Variants in PRKN observed in about 807,000 individuals in gnomAD.
PRKN encodes the protein parkin RBR E3 ubiquitin protein ligase.
PRKN carries 56 observed loss-of-function variants against 59.5 expected under a neutral mutation model. That is an observed-to-expected ratio of 0.94 (90% CI 0.76 to 1.18). The LOEUF (loss-of-function observed/expected upper bound fraction) is 1.18, where lower values mean the gene tolerates loss of function less well. Ranked by LOEUF, PRKN falls within the 50% of genes most tolerant of loss-of-function variation. The pLI, the probability that PRKN is intolerant of heterozygous loss-of-function variation, is 0.00. For missense variants in PRKN, 657 were observed against 596.4 expected (o/e 1.10, Z -1.06); for synonymous variants, 250 against 222.1 (o/e 1.13, Z -1.12).
chr6:162,288,298 G>A (rs751598595), intron 2 of PRKN, among the ~76,000 whole-genome samples: 3 of 152,114 alleles, frequency 2.0e-5, no homozygotes, highest in Non-Finnish European at 4.4e-5. Context: ...TAGCTCTTGA[G>A]TGTCTCACTC....
At chr6:161,556,719 T>C (rs1373330873) in intron 8 of PRKN, among the ~76,000 whole-genome samples, 1 of 152,208 alleles carries the variant, frequency 6.6e-6, no homozygotes, top group East Asian at 1.9e-4. Flanking sequence ...AAGGGCTTTT[T>C]TACTTATCAA....
At chr6:161,586,459 C>T (rs1290049425) in intron 7 of PRKN, among the ~76,000 whole-genome samples, 1 of 152,200 alleles carries the variant, frequency 6.6e-6, no homozygotes, top group African/African-American at 2.4e-5. Flanking sequence ...TACCCCAGTC[C>T]TCATGATGCA....
intron 2 of PRKN, among the ~76,000 whole-genome samples, chr6:162,273,472 C>G (rs1780481823): frequency 6.6e-6 from 1 of 152,062 alleles, no homozygotes; most frequent in South Asian, 2.1e-4. Context: ...CTCTGTATAT[C>G]CTTTAGTACA....
At chr6:162,434,911 G>A (rs1441780175) in intron 2 of PRKN, among the ~76,000 whole-genome samples, 1 of 151,938 alleles carries the variant, frequency 6.6e-6, no homozygotes. Flanking sequence ...AAAAAGTAAA[G>A]ATGGAATTTC....
chr6:162,016,648 T>C (rs1782945448), intron 5 of PRKN, among the ~76,000 whole-genome samples: 1 of 152,026 alleles, frequency 6.6e-6, no homozygotes, highest in Non-Finnish European at 1.5e-5. Flanking sequence ...GGCTGACCCA[T>C]CCCCACTGGT....
At chr6:162,222,889 T>C (rs189943904) in intron 3 of PRKN, among the ~76,000 whole-genome samples, 2 of 152,204 alleles carry the variant, frequency 1.3e-5, no homozygotes, top group Admixed American at 1.3e-4. Flanking sequence ...TTAGGGTACA[T>C]GTGCACAATG....
At chr6:162,513,438 C>T (rs1362030614) in intron 1 of PRKN, among the ~76,000 whole-genome samples, 2 of 150,074 alleles carry the variant, frequency 1.3e-5, no homozygotes, top group Non-Finnish European at 3.0e-5. Context: ...AACACCACTG[C>T]ACTCCAGCCT....
At chr6:161,977,737 C>G (rs982894179) in intron 5 of PRKN, among the ~76,000 whole-genome samples, 1 of 150,908 alleles carries the variant, frequency 6.6e-6, no homozygotes, top group Non-Finnish European at 1.5e-5. Flanking sequence ...TTAGTAGAGA[C>G]GGGGTTTCAC....
intron 6 of PRKN, among the ~76,000 whole-genome samples, chr6:161,967,359 CTCAA>C (rs1457838481): frequency 6.6e-6 from 1 of 152,080 alleles, no homozygotes; most frequent in Non-Finnish European, 1.5e-5. Flanking sequence ...TTGCAACTGT[CTCAA>C]TCAATTTATA....
At chr6:162,558,933 G>A (rs547251477) in intron 1 of PRKN, among the ~76,000 whole-genome samples, 400 of 152,096 alleles carry the variant, frequency 2.6e-3, no homozygotes, top group Non-Finnish European at 4.6e-3. Flanking sequence ...GAGCCACCGC[G>A]CCCAGCCAAC....
chr6:161,442,494 GA>G lies in PRKN; in HGVS notation c.1084-55618del, dbSNP rs1407880864. ...TTAAAATCTCGGGCTTCATCTTTTG[GA>G]TAATTCACATGACCTTCTCCTTAGT... On this transcript the variant is annotated intron_variant, in intron 9 of 11. Coordinates refer to ENST00000366898, the MANE Select transcript of PRKN (RefSeq NM_004562.3). The surrounding 1 kb of genome is among the most constrained non-coding windows in gnomAD (Gnocchi z 4.6). Among the ~76,000 whole-genome samples the G allele has an allele frequency of 6.6e-6, 1 of 152,160 alleles. No individual in the cohort carries two copies. Among genetic ancestry groups the G allele is most frequent in the Non-Finnish European group, 1.5e-5 (1 of 68,024 alleles).
At chr6:161,829,689 G>A (rs1792398405) in intron 6 of PRKN, among the ~76,000 whole-genome samples, 1 of 151,980 alleles carries the variant, frequency 6.6e-6, no homozygotes, top group South Asian at 2.1e-4. Flanking sequence ...AGACGCCCCT[G>A]CAGGATGCCC....
chr6:161,638,738 AT>A lies in PRKN; in HGVS notation c.872-69323del, dbSNP rs386409169. On this transcript the variant is annotated intron_variant, in intron 7 of 11. Transcript: ENST00000366898. ...AGTGAGTGAGTTCTCACGAGATCTG[AT>A]TTTTTTTTTTTTTTTTTTTTGAGAC... Among the ~76,000 whole-genome samples the A allele has an allele frequency of 1.8e-3, 182 of 100,168 alleles. 1 individual carries two copies. The highest frequency in any genetic ancestry group is 3.4e-3 in the Admixed American group (31 of 9,002). The allele number at this position is 100,168 out of a possible 152,430, so 65.7% of individuals were successfully genotyped here.
chr6:162,057,442 G>A (rs530194330), intron 4 of PRKN, among the ~76,000 whole-genome samples: 1 of 152,322 alleles, frequency 6.6e-6, no homozygotes, highest in South Asian at 2.1e-4. Flanking sequence ...GTTTTTATTA[G>A]AAGGTTGTCT....
intron 9 of PRKN, among the ~76,000 whole-genome samples, chr6:161,528,623 A>G (rs934825557): frequency 6.6e-6 from 1 of 152,216 alleles, no homozygotes; most frequent in Non-Finnish European, 1.5e-5. Flanking sequence ...GGGCACACCC[A>G]TACTTTTAAC....
intron 2 of PRKN, among the ~76,000 whole-genome samples, chr6:162,367,201 AT>A (rs1785488726): frequency 6.6e-6 from 1 of 152,014 alleles, no homozygotes; most frequent in Non-Finnish European, 1.5e-5. Context: ...CCATCATGTG[AT>A]GAAGGACATG....
Position 161,428,129 on chromosome 6 carries a change from G to C in PRKN, c.1084-41252C>G, listed in dbSNP as rs1788475900. Among the ~76,000 whole-genome samples, 1 of 152,166 alleles carries C rather than the reference G, an allele frequency of 6.6e-6. No homozygotes were observed. Among genetic ancestry groups the C allele is most frequent in the Admixed American group, 6.5e-5 (1 of 15,274 alleles). On this transcript the variant is annotated intron_variant, in intron 9 of 11. Transcript: ENST00000366898. This position sits in a 1 kb window ranked among gnomAD's most constrained non-coding sequence, Gnocchi z 4.0. ...CTTCCACCTGCATCTTCTGGCACTT[G>C]CACTGTGGGGGCCTTCCTCAAAGCC...
intron 7 of PRKN, among the ~76,000 whole-genome samples, chr6:161,612,112 T>C (rs1782509996): frequency 1.3e-5 from 2 of 152,182 alleles, no homozygotes. Context: ...AGAGGTTGGC[T>C]CATGAAGCTT....
chr6:161,871,821 C>T lies in PRKN; in HGVS notation c.735-85913G>A, dbSNP rs76328856. Among the ~76,000 whole-genome samples, 733 of 152,214 alleles carry T rather than the reference C, an allele frequency of 4.8e-3. 9 individuals are homozygous for T. The highest frequency in any genetic ancestry group is 0.017 in the African/African-American group (693 of 41,522). On this transcript the variant is annotated intron_variant, in intron 6 of 11. Transcript: ENST00000366898. ...TGTAGTCTGTGTTCAGAATACTTAA[C>T]ATATCTGTGCTATAAAACTCCCGTG...
Sources: gnomAD v4.1 joint callset for allele counts (sites outside exome capture counted in the v4.1 genomes callset) on GRCh38, gnomAD v4.1.1 for gene constraint, Gnocchi (gnomAD v3.1) non-coding constraint, MANE v1.5 for transcripts, NCBI Gene and HGNC (gene_info 2026-07-23, HGNC 2026-07-21) for gene names.